Variants in ABCA12 observed in about 807,000 individuals in gnomAD.
ABCA12 encodes the protein glucosylceramide transporter ABCA12.
Under a neutral mutation model 293.5 loss-of-function variants are expected in ABCA12, and 156 were observed. The ratio of observed to expected loss-of-function variants is 0.53; its 90% confidence interval spans 0.47 to 0.61. The LOEUF is 0.61. Ranked by LOEUF, ABCA12 falls within the 20% of genes least tolerant of loss-of-function variation. The pLI is 0.00. For missense variants in ABCA12, 2,797 were observed against 3,090.2 expected (o/e 0.91, Z 2.25); for synonymous variants, 1,063 against 1,108.0 (o/e 0.96, Z 0.81).
chr2:215,004,459 A>G (rs1700211959), intron 19 of ABCA12, among the ~76,000 whole-genome samples, 160 bp from the exon 20 acceptor site: 1 of 152,152 alleles, frequency 6.6e-6, no homozygotes. Flanking sequence ...AAGAAAAGAG[A>G]AGATTGGGGG....
chr2:215,084,393 T>C (rs1461574285), intron 2 of ABCA12, among the ~76,000 whole-genome samples: 6 of 152,180 alleles, frequency 3.9e-5, no homozygotes, highest in Admixed American at 2.0e-4. Context: ...CAAGTGGCAA[T>C]CTGAGTCACA....
intron 1 of ABCA12, among the ~76,000 whole-genome samples, chr2:215,133,189 T>C (rs1703100759): frequency 8.6e-6 from 1 of 115,890 alleles, no homozygotes; most frequent in Non-Finnish European, 1.8e-5. Context: ...TTTTTTTTTT[T>C]AGTATGGACT....
At chr2:214,969,044 T>C (rs1005549405) in intron 37 of ABCA12, among the ~76,000 whole-genome samples, 6 of 152,060 alleles carry the variant, frequency 3.9e-5, no homozygotes, top group African/African-American at 1.4e-4. Flanking sequence ...ATATGTTTAG[T>C]AGTCATCCTG....
chr2:214,982,530 A>G, intron 29 of ABCA12, 147 bp from the exon 30 acceptor site: 2 of 648,396 alleles, frequency 3.1e-6, no homozygotes, highest in East Asian at 2.8e-5. Flanking sequence ...TTCATAATAT[A>G]GTTTTCTATT....
intron 49 of ABCA12, among the ~76,000 whole-genome samples, chr2:214,943,309 A>C (rs1698467533): frequency 6.6e-6 from 1 of 151,150 alleles, no homozygotes; most frequent in Admixed American, 6.6e-5. Context: ...TAATATTTTA[A>C]TTTTAATTTT....
At position 215,026,899 on chromosome 2, in the gene ABCA12, A is replaced by G. The variant is rs1004902217; in HGVS notation, c.1101T>C (p.Asn367=). The G allele has an allele frequency of 1.3e-5, 21 of 1,613,002 alleles. No individual in the cohort carries two copies. The highest frequency in any genetic ancestry group is 2.2e-5 in the South Asian group (2 of 91,060). ...ILENFEDALL[N]ISANSPYIPY... is the part of the protein sequence containing the mutation. ...GAATATAAGGACTATTTGCTGATAT[A>G]TTTAAGAGGGCATCTTCAAAGTTTT... Residue 367 remains asparagine, a synonymous_variant, in exon 10 of 53, where the codon AAT becomes AAC. Transcript: ENST00000272895.
chr2:214,998,963 A>G (rs908883215), intron 22 of ABCA12, among the ~76,000 whole-genome samples: 1 of 152,214 alleles, frequency 6.6e-6, no homozygotes, highest in Non-Finnish European at 1.5e-5. Flanking sequence ...AGACTAAAAA[A>G]TTACCTCCAA....
intron 50 of ABCA12, among the ~76,000 whole-genome samples, chr2:214,937,942 CT>C (rs1015185736): frequency 4.0e-5 from 6 of 151,892 alleles, no homozygotes; most frequent in African/African-American, 7.3e-5. Context: ...AAATACTTCC[CT>C]TTTTTTCTTA....
At position 215,045,861 on chromosome 2, in the gene ABCA12, A is replaced by T. The variant is rs543778192; in HGVS notation, c.848T>A (p.Phe283Tyr). Residue 283 changes from phenylalanine (F) to tyrosine (Y), a missense_variant, in exon 7 of 53, where the codon TTT (phenylalanine) becomes TAT (tyrosine). Around this residue, in one of 3 missense-constraint regions of ABCA12, gnomAD observed 656 missense variants for 638.2 expected, o/e 1.03. Coordinates refer to ENST00000272895, the MANE Select transcript of ABCA12 (RefSeq NM_173076.3). Reference sequence around the variant, plus strand: ...CCTGTTTGCCTTTCGAAGAACATCAAATAGATTGCTTAGTGATGTGTCATT... The same window carrying T: ...CCTGTTTGCCTTTCGAAGAACATCATATAGATTGCTTAGTGATGTGTCATT... Reference protein sequence around the residue: ...FQNDTSLSNLFDVLRKANSVL... With the variant: ...FQNDTSLSNLYDVLRKANSVL... 7 of 1,613,588 alleles carry T rather than the reference A, an allele frequency of 4.3e-6. No homozygotes were observed. Among genetic ancestry groups the T allele is most frequent in the African/African-American group, 4.0e-5 (3 of 75,032 alleles).
chr2:214,978,560 T>G lies in ABCA12; in HGVS notation c.4978-94A>C, dbSNP rs1005401277. On this transcript the variant is annotated intron_variant, in intron 32 of 52. Transcript: ENST00000272895. ...CTTTGATTTTGAACTTTTATCACAT[T>G]TACTGAGACAAATTTTTCCCGTCTG... is the stretch of plus-strand genomic sequence containing the variant. The G allele has an allele frequency of 2.1e-6, 3 of 1,462,694 alleles. No homozygotes were observed. In the African/African-American group the frequency reaches 4.2e-5, roughly 21 times the overall value. 90.6% of individuals were successfully genotyped at this position (1,462,694 alleles called of 1,614,324 possible).
At chr2:214,935,874 G>C (rs914950400) in intron 51 of ABCA12, among the ~76,000 whole-genome samples, 1 of 152,088 alleles carries the variant, frequency 6.6e-6, no homozygotes, top group Admixed American at 6.6e-5. Flanking sequence ...ACTTGGAGAG[G>C]CTGAGGCAAA....
At chr2:215,103,186 A>C (rs1306276284) in intron 2 of ABCA12, among the ~76,000 whole-genome samples, 2 of 151,946 alleles carry the variant, frequency 1.3e-5, no homozygotes, top group Non-Finnish European at 2.9e-5. Flanking sequence ...AGTGCTTAAT[A>C]GATGCAACAG....
chr2:215,077,590 ACT>A (rs1701858139), intron 2 of ABCA12, among the ~76,000 whole-genome samples: 1 of 152,158 alleles, frequency 6.6e-6, no homozygotes, highest in Admixed American at 6.5e-5. Flanking sequence ...TCTACTCTCC[ACT>A]GAGCATCATC....
At chr2:215,011,267 T>A (rs958451254) in intron 17 of ABCA12, among the ~76,000 whole-genome samples, 172 bp downstream of exon 17, 2 of 152,204 alleles carry the variant, frequency 1.3e-5, no homozygotes, top group African/African-American at 4.8e-5. Context: ...CATACTAAGA[T>A]GAGTTAATGT....
intron 6 of ABCA12, among the ~76,000 whole-genome samples, chr2:215,048,990 T>C (rs1027496758): frequency 6.6e-6 from 1 of 152,082 alleles, no homozygotes; most frequent in Non-Finnish European, 1.5e-5. Flanking sequence ...CAACCGACAC[T>C]GGGACTTACT....
intron 42 of ABCA12, among the ~76,000 whole-genome samples, chr2:214,956,287 G>A (rs900859098): frequency 6.6e-6 from 1 of 152,112 alleles, no homozygotes; most frequent in Middle Eastern, 3.4e-3. Flanking sequence ...ATACATGAAG[G>A]TATATGCACT....
At chr2:215,137,129 AATT>A (rs1276745066) in intron 1 of ABCA12, among the ~76,000 whole-genome samples, 1 of 152,110 alleles carries the variant, frequency 6.6e-6, no homozygotes, top group African/African-American at 2.4e-5. Context: ...CATGCCTTAG[AATT>A]TTAAAACCCT....
At position 215,101,445 on chromosome 2, in the gene ABCA12, C is replaced by T. The variant is rs116495167; in HGVS notation, c.163+10152G>A. 3.5e-3 allele frequency among the ~76,000 whole-genome samples: 536 copies of T among 152,272 alleles called. 1 individual carries two copies. The highest frequency in any genetic ancestry group is 4.9e-3 in the Non-Finnish European group (334 of 68,036). ...CAGAAAGCCTAGGGTAATACTCTGCCATTTGTCTATTTCAGCAAACATACT... is the reference window on the plus strand; with the variant it reads ...CAGAAAGCCTAGGGTAATACTCTGCTATTTGTCTATTTCAGCAAACATACT... On this transcript the variant is annotated intron_variant, in intron 2 of 52. Coordinates refer to ENST00000272895, the MANE Select transcript of ABCA12 (RefSeq NM_173076.3).
At chr2:215,135,402 A>G (rs950813233) in intron 1 of ABCA12, among the ~76,000 whole-genome samples, 1 of 152,032 alleles carries the variant, frequency 6.6e-6, no homozygotes, top group Non-Finnish European at 1.5e-5. Flanking sequence ...TCTCTTTTGA[A>G]TTAGTCTTCC....
Sources: gnomAD v4.1 joint callset for allele counts (sites outside exome capture counted in the v4.1 genomes callset) on GRCh38, gnomAD v4.1.1 for gene constraint, gnomAD v4.1.1 regional missense constraint, MANE v1.5 for transcripts, NCBI Gene and HGNC (gene_info 2026-07-23, HGNC 2026-07-21) for gene names.